NEDD9: variants seen among roughly 807,000 people sequenced by gnomAD.
NEDD9 encodes neural precursor cell expressed, developmentally down-regulated 9.
NEDD9 carries 26 observed loss-of-function variants against 76.6 expected under a neutral mutation model. That is an observed-to-expected ratio of 0.34 (90% CI 0.25 to 0.47). The LOEUF is 0.47. Among genes scored for constraint, NEDD9 ranks in the 20% least tolerant of loss-of-function variants. NEDD9 has a pLI of 1.00. For missense variants in NEDD9, 937 were observed against 1,058.5 expected (o/e 0.89, Z 1.59); for synonymous variants, 392 against 414.2 (o/e 0.95, Z 0.65).
At chr6:11,362,196 T>C (rs1187765406) in intron 1 of NEDD9, among the ~76,000 whole-genome samples, 1 of 152,184 alleles carries the variant, frequency 6.6e-6, no homozygotes, top group Non-Finnish European at 1.5e-5. Context: ...TTTGCTGCCA[T>C]GTGAGAATAC....
At chr6:11,257,259 C>T (rs546718414) in intron 3 of NEDD9, among the ~76,000 whole-genome samples, 13 of 152,344 alleles carry the variant, frequency 8.5e-5, no homozygotes, top group Admixed American at 2.0e-4. Context: ...GTGGCCTGCA[C>T]ACATTAGATG....
intron 1 of NEDD9, among the ~76,000 whole-genome samples, chr6:11,356,768 T>C (rs1441745553): frequency 1.6e-5 from 2 of 128,322 alleles, no homozygotes; most frequent in Non-Finnish European, 3.2e-5. Context: ...TAGCACTCAG[T>C]AAATTATTGA....
chr6:11,226,094 C>T (rs1280364821), intron 1 of NEDD9, among the ~76,000 whole-genome samples: 1 of 152,188 alleles, frequency 6.6e-6, no homozygotes, highest in Non-Finnish European at 1.5e-5. Flanking sequence ...GGTGACTTAT[C>T]TTAAAATGCA....
intron 3 of NEDD9, among the ~76,000 whole-genome samples, chr6:11,277,939 T>C (rs910357081): frequency 1.3e-5 from 2 of 152,216 alleles, no homozygotes; most frequent in African/African-American, 4.8e-5. Context: ...CCTTGCCTCT[T>C]GAGAAGCTGA....
chr6:11,212,914 G>C (rs1040358050), intron 2 of NEDD9, among the ~76,000 whole-genome samples: 1 of 152,264 alleles, frequency 6.6e-6, no homozygotes, highest in Non-Finnish European at 1.5e-5. Flanking sequence ...TACGAGATTT[G>C]GTGTTTGTTC....
chr6:11,248,469 T>G (rs1255947525), intron 3 of NEDD9, among the ~76,000 whole-genome samples: 2 of 152,160 alleles, frequency 1.3e-5, no homozygotes, highest in Non-Finnish European at 2.9e-5. Flanking sequence ...AAAATTGCAG[T>G]TCTATATATT....
chr6:11,287,524 C>CCACACA (rs58610423), intron 3 of NEDD9, among the ~76,000 whole-genome samples: 1 of 148,526 alleles, frequency 6.7e-6, no homozygotes, highest in Admixed American at 6.7e-5. Flanking sequence ...GTGCACAAAT[C>CCACACA]CACACACACA....
At chr6:11,263,087 A>AT (rs1330130046) in intron 3 of NEDD9, among the ~76,000 whole-genome samples, 1 of 152,180 alleles carries the variant, frequency 6.6e-6, no homozygotes, top group East Asian at 1.9e-4. Context: ...TAGTAATTGC[A>AT]TTTTTGGTTT....
chr6:11,340,996 A>G (rs1202439782), intron 1 of NEDD9, among the ~76,000 whole-genome samples: 1 of 152,034 alleles, frequency 6.6e-6, no homozygotes, highest in Non-Finnish European at 1.5e-5. Context: ...CTACCGTTCT[A>G]AGTCAGGCAG....
At chr6:11,287,482 C>T (rs572677098) in intron 3 of NEDD9, among the ~76,000 whole-genome samples, 2 of 151,808 alleles carry the variant, frequency 1.3e-5, no homozygotes, top group Non-Finnish European at 2.9e-5. Context: ...TAGGTTTATA[C>T]GTGTGTGACA....
At chr6:11,197,104 C>A (rs903523191) in intron 2 of NEDD9, among the ~76,000 whole-genome samples, 44 of 152,142 alleles carry the variant, frequency 2.9e-4, no homozygotes, top group African/African-American at 9.9e-4. Flanking sequence ...ACACCAAGGT[C>A]TGGTTAAGGG....
chr6:11,187,785 G>A (rs923531930), intron 6 of NEDD9, among the ~76,000 whole-genome samples: 9 of 152,172 alleles, frequency 5.9e-5, no homozygotes, highest in Admixed American at 5.2e-4. Context: ...TAGACTGATA[G>A]AAAGAAGCAA....
At position 11,322,072 on chromosome 6, in the gene NEDD9, AG is replaced by A. The variant is rs562558481; in HGVS notation, c.-153+12428del. Among the ~76,000 whole-genome samples, 7 of 152,304 alleles carry A rather than the reference AG, an allele frequency of 4.6e-5. No individual in the cohort carries two copies. The South Asian group carries it at 1.0e-3, about 23-fold the overall frequency. On this transcript the variant is annotated intron_variant, in intron 2 of 3. Transcript: ENST00000397378. Reference sequence around the variant, plus strand: ...ATCATCATCCTCAGCCAATTAACCCAGGAACAGAAAACCAAACACCACATGT... The same window carrying A: ...ATCATCATCCTCAGCCAATTAACCCAGAACAGAAAACCAAACACCACATGT...
At chr6:11,279,213 A>T (rs1760479628) in intron 3 of NEDD9, among the ~76,000 whole-genome samples, 1 of 152,206 alleles carries the variant, frequency 6.6e-6, no homozygotes, top group Non-Finnish European at 1.5e-5. Flanking sequence ...TTTCCAGCTG[A>T]TCTGTTGATG....
At chr6:11,341,667 T>C (rs1762274982) in intron 1 of NEDD9, among the ~76,000 whole-genome samples, 2 of 152,220 alleles carry the variant, frequency 1.3e-5, no homozygotes, top group Non-Finnish European at 2.9e-5. Flanking sequence ...GCTGTCCTAT[T>C]GGATGGTGCA....
chr6:11,205,014 A>T (rs1758567563), intron 2 of NEDD9, among the ~76,000 whole-genome samples: 1 of 152,216 alleles, frequency 6.6e-6, no homozygotes, highest in Non-Finnish European at 1.5e-5. Flanking sequence ...ACAGGGTATG[A>T]TTTAGCGCCC....
At chr6:11,371,578 T>C (rs1047648245) in intron 1 of NEDD9, among the ~76,000 whole-genome samples, 2 of 152,262 alleles carry the variant, frequency 1.3e-5, no homozygotes, top group African/African-American at 4.8e-5. Flanking sequence ...AGCTATTTTT[T>C]AAATGTGATT....
intron 1 of NEDD9, among the ~76,000 whole-genome samples, chr6:11,343,856 A>G (rs1762318612): frequency 6.6e-6 from 1 of 152,234 alleles, no homozygotes. Flanking sequence ...AAGGGTATTA[A>G]ACATAGACTA....
At chr6:11,366,158 C>A (rs1247916694) in intron 1 of NEDD9, among the ~76,000 whole-genome samples, 1 of 151,576 alleles carries the variant, frequency 6.6e-6, no homozygotes, top group Non-Finnish European at 1.5e-5. Context: ...GTGGCATGTG[C>A]CTGTAACCCC....
Sources: allele counts gnomAD v4.1 joint callset (sites outside exome capture counted in the v4.1 genomes callset), GRCh38; gene constraint gnomAD v4.1.1; transcripts MANE v1.5; gene names NCBI Gene and HGNC (gene_info 2026-07-23, HGNC 2026-07-21).